CERS6: variants seen among roughly 807,000 people sequenced by gnomAD.
CERS6 encodes LAG1 homolog, ceramide synthase 6.
CERS6 carries 26 observed loss-of-function variants against 56.8 expected under a neutral mutation model. That is an observed-to-expected ratio of 0.46 (90% CI 0.34 to 0.63). The LOEUF is 0.63. CERS6 is among the 30% of genes least tolerant of loss of function. The pLI is 0.01. For synonymous variants in CERS6, 164 were observed against 173.3 expected (o/e 0.95, Z 0.42); for missense variants, 415 against 467.5 (o/e 0.89, Z 1.04).
chr2:168,552,091 T>C (rs1292903722), intron 2 of CERS6, among the ~76,000 whole-genome samples: 2 of 152,190 alleles, frequency 1.3e-5, no homozygotes, highest in African/African-American at 4.8e-5. Flanking sequence ...TTTAAAGTGA[T>C]AGGCAGATTT....
intron 1 of CERS6, among the ~76,000 whole-genome samples, chr2:168,544,415 G>T (rs1453852408): frequency 1.3e-5 from 2 of 152,196 alleles, no homozygotes; most frequent in African/African-American, 2.4e-5. Context: ...ATCTGGTTGA[G>T]GGAGGATTAA....
intron 4 of CERS6, among the ~76,000 whole-genome samples, chr2:168,662,928 C>G (rs919090189): frequency 1.3e-5 from 2 of 152,150 alleles, no homozygotes; most frequent in Non-Finnish European, 2.9e-5. Flanking sequence ...TCAGGCATAA[C>G]CAAAAAATAT....
At chr2:168,692,111 G>GT (rs1201191303) in intron 5 of CERS6, among the ~76,000 whole-genome samples, 3 of 152,234 alleles carry the variant, frequency 2.0e-5, no homozygotes, top group East Asian at 1.9e-4. Context: ...CTTACGAGTG[G>GT]TTTTTTCACA....
chr2:168,499,066 A>G (rs900505190), intron 1 of CERS6, among the ~76,000 whole-genome samples: 1 of 152,170 alleles, frequency 6.6e-6, no homozygotes, highest in African/African-American at 2.4e-5. Flanking sequence ...GTCAGAGGCA[A>G]CAGTGATGGC....
In CERS6 at chr2:168,772,125, C is replaced by G. The variant is rs755515202; in HGVS notation, c.*2463C>G. 3 of 152,190 alleles carry G rather than the reference C, an allele frequency of 2.0e-5. No individual in the cohort carries two copies. Among genetic ancestry groups the G allele is most frequent in the African/African-American group, 7.2e-5 (3 of 41,434 alleles). 9.4% of individuals were successfully genotyped at this position (152,190 alleles called of 1,614,324 possible). A position where few individuals can be genotyped will look rare whatever the true frequency, so the allele number is the denominator to read the frequency against. Reference sequence around the variant, plus strand: ...AAAAATATGTGCAGTATCTCATCCTCCCCCTGTACCAGGCCATAGCTTTGA... The same window carrying G: ...AAAAATATGTGCAGTATCTCATCCTGCCCCTGTACCAGGCCATAGCTTTGA... On this transcript the variant is annotated 3_prime_UTR_variant, in exon 10 of 10. Coordinates refer to ENST00000305747, the MANE Select transcript of CERS6 (RefSeq NM_203463.3).
chr2:168,767,040 C>T (rs1684747773), intron 9 of CERS6, among the ~76,000 whole-genome samples: 1 of 152,208 alleles, frequency 6.6e-6, no homozygotes, highest in African/African-American at 2.4e-5. Flanking sequence ...AATCAACATG[C>T]ACAAAACTGT....
At chr2:168,697,514 C>T (rs917145041) in intron 6 of CERS6, among the ~76,000 whole-genome samples, 4 of 149,134 alleles carry the variant, frequency 2.7e-5, no homozygotes, top group Admixed American at 6.7e-5. Context: ...CAGGTAGTCA[C>T]GTAAAACTCT....
At chr2:168,471,165 ATCT>A (rs771036700) in intron 1 of CERS6, among the ~76,000 whole-genome samples, 1 of 152,184 alleles carries the variant, frequency 6.6e-6, no homozygotes, top group Non-Finnish European at 1.5e-5. Flanking sequence ...GTGCTTTCAC[ATCT>A]TCTTACCTTC....
chr2:168,738,602 C>G (rs1007815085), intron 8 of CERS6, among the ~76,000 whole-genome samples: 2 of 152,086 alleles, frequency 1.3e-5, no homozygotes, highest in African/African-American at 4.8e-5. Context: ...GGATAGACTT[C>G]TAAGTAAGCA....
Position 168,728,367 on chromosome 2 carries a change from A to G in CERS6, c.845+10389A>G, listed in dbSNP as rs547869870. ...TTAAAACTGTTGTCCACGTTAGGGG[A>G]AAAAAAAAATGCAACTACTCTTTTT... On this transcript the variant is annotated intron_variant, in intron 8 of 9. Coordinates refer to ENST00000305747, the MANE Select transcript of CERS6 (RefSeq NM_203463.3). 2.0e-4 allele frequency among the ~76,000 whole-genome samples: 26 copies of G among 127,418 alleles called. No homozygotes were observed. The South Asian group carries it at 3.1e-3, about 15-fold the overall frequency. The allele number at this position is 127,418 out of a possible 152,430, so 83.6% of individuals were successfully genotyped here. A position where few individuals can be genotyped will look rare whatever the true frequency, so the allele number is the denominator to read the frequency against.
intron 2 of CERS6, among the ~76,000 whole-genome samples, chr2:168,558,115 A>G (rs146382378): frequency 6.6e-6 from 1 of 152,328 alleles, no homozygotes; most frequent in Non-Finnish European, 1.5e-5. Flanking sequence ...GAAACGTCTG[A>G]TATCATAGTC....
At chr2:168,703,055 G>A (rs1686842618) in intron 6 of CERS6, among the ~76,000 whole-genome samples, 1 of 152,124 alleles carries the variant, frequency 6.6e-6, no homozygotes, top group Non-Finnish European at 1.5e-5. Context: ...TAGTAAAAAT[G>A]TATTAACATT....
intron 3 of CERS6, among the ~76,000 whole-genome samples, chr2:168,614,912 A>G (rs761356601): frequency 3.9e-5 from 6 of 152,096 alleles, no homozygotes; most frequent in South Asian, 2.1e-4. Flanking sequence ...TAGGAGGCCA[A>G]TCAGCACAAA....
chr2:168,610,782 C>T (rs181941056), intron 3 of CERS6, among the ~76,000 whole-genome samples: 5 of 152,176 alleles, frequency 3.3e-5, no homozygotes, highest in Admixed American at 2.0e-4. Context: ...CTAGCCTGCA[C>T]GATTTGGCCT....
At chr2:168,466,491 AACACTTG>A (rs1033103947) in intron 1 of CERS6, among the ~76,000 whole-genome samples, 1 of 152,186 alleles carries the variant, frequency 6.6e-6, no homozygotes, top group Non-Finnish European at 1.5e-5. Flanking sequence ...AAATGATTCA[AACACTTG>A]AGTATTTAAA....
intron 4 of CERS6, among the ~76,000 whole-genome samples, chr2:168,682,184 G>A (rs551759119): frequency 4.6e-5 from 7 of 152,204 alleles, no homozygotes; most frequent in East Asian, 3.9e-4. Flanking sequence ...TAGTTTGCCC[G>A]TGTGTTTTTT....
chr2:168,579,899 C>T (rs1254594285), intron 3 of CERS6, among the ~76,000 whole-genome samples: 1 of 152,134 alleles, frequency 6.6e-6, no homozygotes, highest in African/African-American at 2.4e-5. Flanking sequence ...CATCCTGGAA[C>T]GTTCTGCTCC....
chr2:168,649,878 CT>C (rs952968567), intron 4 of CERS6, among the ~76,000 whole-genome samples: 3 of 152,048 alleles, frequency 2.0e-5, no homozygotes, highest in Non-Finnish European at 2.9e-5. Flanking sequence ...TCCCTATTTG[CT>C]TCCCCAAACT....
chr2:168,490,540 G>T (rs1694351623), intron 1 of CERS6, among the ~76,000 whole-genome samples: 1 of 152,136 alleles, frequency 6.6e-6, no homozygotes, highest in Non-Finnish European at 1.5e-5. Context: ...TAACATTTCA[G>T]TCCTCAGTTG....
Sources: gnomAD v4.1 joint callset for allele counts (sites outside exome capture counted in the v4.1 genomes callset) on GRCh38, gnomAD v4.1.1 for gene constraint, MANE v1.5 for transcripts, NCBI Gene and HGNC (gene_info 2026-07-23, HGNC 2026-07-21) for gene names.